The following ATRNL1 variants were observed in gnomAD, a reference collection of about 807,000 sequenced individuals.
The protein encoded by ATRNL1 is attractin-like protein 1.
A neutral mutation model predicts 182.7 loss-of-function variants in ATRNL1; 95 were observed. The ratio of observed to expected loss-of-function variants is 0.52; its 90% CI spans 0.44 to 0.62. The LOEUF (loss-of-function observed/expected upper bound fraction) is 0.62, where lower values mean the gene tolerates loss of function less well. Ranked by LOEUF, ATRNL1 falls within the 20% of genes least tolerant of loss-of-function variation. The probability of loss-of-function intolerance (pLI) is 0.00; values close to 1 mark genes in which losing one functional copy is unlikely to be tolerated. For synonymous variants in ATRNL1, 576 were observed against 568.3 expected, an observed-to-expected ratio of 1.01 and a Z score of -0.19; for missense variants, 1,471 against 1,679.5, an observed-to-expected ratio of 0.88 and a Z score of 2.17.
At chr10:115,587,480 C>A (rs1024733709) in intron 26 of ATRNL1, among the ~76,000 whole-genome samples, 5 of 151,758 alleles carry the variant, frequency 3.3e-5, no homozygotes, top group Admixed American at 6.6e-5. Context: ...TGTTTTAGCC[C>A]GTCGGAAAAG....
intron 18 of ATRNL1, among the ~76,000 whole-genome samples, chr10:115,328,837 T>C (rs568278064): frequency 6.6e-6 from 1 of 152,206 alleles, no homozygotes; most frequent in Non-Finnish European, 1.5e-5. Flanking sequence ...ATTTGTTTAT[T>C]CACACTTTCT....
intron 27 of ATRNL1, among the ~76,000 whole-genome samples, chr10:115,814,875 A>T (rs1179254381): frequency 3.3e-5 from 5 of 152,188 alleles, no homozygotes; most frequent in Admixed American, 2.6e-4. Flanking sequence ...CCAGTGGCTT[A>T]ATCCGTTAAA....
At chr10:115,693,772 C>T (rs2804154) in intron 26 of ATRNL1, among the ~76,000 whole-genome samples, 150,363 of 152,192 alleles carry the variant, frequency 0.99, 74,300 homozygotes, top group East Asian at 1. Flanking sequence ...TTAAGTAGAG[C>T]AAAAATGCAA....
chr10:115,288,195 T>A (rs146962802), intron 15 of ATRNL1, among the ~76,000 whole-genome samples: 1 of 152,196 alleles, frequency 6.6e-6, no homozygotes, highest in Non-Finnish European at 1.5e-5. Context: ...AACATGAGAA[T>A]GCAGGTATCC....
intron 3 of ATRNL1, 24 bp from the exon 4 acceptor site, chr10:115,127,569 A>G (rs1554873865): frequency 2.5e-6 from 4 of 1,589,982 alleles, no homozygotes; most frequent in South Asian, 1.1e-5. Context: ...TATACATACA[A>G]TATTCAGTTT....
intron 20 of ATRNL1, among the ~76,000 whole-genome samples, chr10:115,395,137 T>G (rs1253820585): frequency 6.6e-6 from 1 of 152,006 alleles, no homozygotes; most frequent in Non-Finnish European, 1.5e-5. Context: ...TTTCTGTTCC[T>G]ATGTTAATTT....
At chr10:115,275,056 G>A (rs1852043336) in intron 13 of ATRNL1, among the ~76,000 whole-genome samples, 1 of 152,186 alleles carries the variant, frequency 6.6e-6, no homozygotes, top group African/African-American at 2.4e-5. Flanking sequence ...TCCAGGAATG[G>A]AGTATTGCTT....
chr10:115,655,784 A>C (rs1267263825), intron 26 of ATRNL1, among the ~76,000 whole-genome samples: 2 of 152,226 alleles, frequency 1.3e-5, no homozygotes, highest in Non-Finnish European at 2.9e-5. Context: ...ATGTCAGATC[A>C]TGTCAGTAGG....
chr10:115,300,279 A>G, intron 16 of ATRNL1, 32 bp downstream of exon 16: 1 of 1,561,866 alleles, frequency 6.4e-7, no homozygotes, highest in Non-Finnish European at 8.8e-7. Context: ...CATTCCTTTA[A>G]AAGTATGTTT....
intron 9 of ATRNL1, among the ~76,000 whole-genome samples, chr10:115,228,387 C>G (rs1025992213): frequency 6.6e-6 from 1 of 152,144 alleles, no homozygotes. Context: ...TTTGCTCAGG[C>G]ACTTTAACTT....
At chr10:115,485,997 T>A (rs577864405) in intron 24 of ATRNL1, among the ~76,000 whole-genome samples, 1 of 150,506 alleles carries the variant, frequency 6.6e-6, no homozygotes, top group Non-Finnish European at 1.5e-5. Context: ...CATGCGGTGC[T>A]TGGTTTTCTG....
chr10:115,173,026 A>G (rs1232491545), intron 8 of ATRNL1, among the ~76,000 whole-genome samples: 2 of 151,804 alleles, frequency 1.3e-5, no homozygotes, highest in Non-Finnish European at 2.9e-5. Flanking sequence ...CTTCTCTATC[A>G]TCACTCGCAA....
intron 26 of ATRNL1, among the ~76,000 whole-genome samples, chr10:115,684,402 A>G (rs1288349363): frequency 6.6e-6 from 1 of 150,924 alleles, no homozygotes; most frequent in Admixed American, 6.6e-5. Flanking sequence ...TAATGTTATT[A>G]CAAGCATTTT....
At chr10:115,694,438 C>T (rs1946489469) in intron 26 of ATRNL1, among the ~76,000 whole-genome samples, 1 of 151,984 alleles carries the variant, frequency 6.6e-6, no homozygotes, top group African/African-American at 2.4e-5. Flanking sequence ...GAAGTAAATA[C>T]TAGACAAATA....
At chr10:115,677,233 G>A (rs1555043328) in intron 26 of ATRNL1, among the ~76,000 whole-genome samples, 1 of 152,040 alleles carries the variant, frequency 6.6e-6, no homozygotes, top group Non-Finnish European at 1.5e-5. Flanking sequence ...GAATTTCAGG[G>A]CTGCTCCATG....
intron 27 of ATRNL1, among the ~76,000 whole-genome samples, chr10:115,760,492 A>G (rs1948708188): frequency 6.6e-6 from 1 of 152,188 alleles, no homozygotes; most frequent in African/African-American, 2.4e-5. Context: ...AAAACAATTT[A>G]CAGTTTAATT....
At chr10:115,663,340 C>T (rs181228194) in intron 26 of ATRNL1, among the ~76,000 whole-genome samples, 264 of 152,058 alleles carry the variant, frequency 1.7e-3, no homozygotes, top group African/African-American at 6.0e-3. Context: ...TAATTTCAGC[C>T]ATTTGCAACA....
At chr10:115,567,253 C>T (rs1239592650) in intron 26 of ATRNL1, among the ~76,000 whole-genome samples, 8 of 152,010 alleles carry the variant, frequency 5.3e-5, no homozygotes, top group Non-Finnish European at 8.8e-5. Context: ...AGTTTAGTGA[C>T]GTTAATATTT....
At chr10:115,303,076 C>A (rs944826578) in intron 17 of ATRNL1, among the ~76,000 whole-genome samples, 6 of 151,706 alleles carry the variant, frequency 4.0e-5, no homozygotes, top group Admixed American at 6.6e-5. Context: ...ATTCATATCC[C>A]ACTCATTGGT....
Sources: gnomAD v4.1 joint callset for allele counts (sites outside exome capture counted in the v4.1 genomes callset) on GRCh38, gnomAD v4.1.1 for gene constraint, MANE v1.5 for transcripts, NCBI Gene and HGNC (gene_info 2026-07-23, HGNC 2026-07-21) for gene names.